The following RPS6KC1 variants were observed in gnomAD, a reference collection of about 807,000 sequenced individuals.
RPS6KC1 encodes the protein ribosomal protein S6 kinase C1, also known as inactive ribosomal protein S6 kinase delta-1.
In RPS6KC1, 54 loss-of-function variants were observed where a neutral mutation model predicts 103.8. That is an observed-to-expected ratio of 0.52 (90% CI 0.42 to 0.65). The LOEUF is 0.65. Among genes scored for constraint, RPS6KC1 ranks in the 30% least tolerant of loss-of-function variants. The pLI is 0.00. For synonymous variants in RPS6KC1, 439 were observed against 438.7 expected, an observed-to-expected ratio of 1.00 and a Z score of -0.01; for missense variants, 1,151 against 1,253.8, an observed-to-expected ratio of 0.92 and a Z score of 1.24.
the RPS6KC1 span, among the ~76,000 whole-genome samples, chr1:213,484,462 C>T: frequency 6.6e-6 from 1 of 152,214 alleles, no homozygotes; most frequent in Admixed American, 6.5e-5. Context: ...GTCACATGGA[C>T]CTGTCCACAG....
chr1:213,588,048 C>T, the RPS6KC1 span, among the ~76,000 whole-genome samples: 1 of 152,132 alleles, frequency 6.6e-6, no homozygotes, highest in African/African-American at 2.4e-5. Context: ...CCTTTGTCTT[C>T]ACGTGGTAGA....
chr1:213,278,482 T>C (rs1430621267), downstream of RPS6KC1, among the ~76,000 whole-genome samples: 1 of 152,232 alleles, frequency 6.6e-6, no homozygotes, highest in African/African-American at 2.4e-5. Context: ...AGGATTGTTA[T>C]AGGAAGAAAA....
the RPS6KC1 span, among the ~76,000 whole-genome samples, chr1:213,666,976 T>C: frequency 5.3e-5 from 8 of 152,232 alleles, no homozygotes; most frequent in Non-Finnish European, 1.2e-4. Context: ...CCAAGACGTA[T>C]GGAGGAGAAG....
intron 3 of RPS6KC1, among the ~76,000 whole-genome samples, chr1:213,083,434 T>C (rs966137231): frequency 1.3e-5 from 2 of 152,224 alleles, no homozygotes; most frequent in Non-Finnish European, 2.9e-5. Flanking sequence ...TGTACAGGAA[T>C]GTCTATAGCA....
chr1:213,337,319 A>G, the RPS6KC1 span, among the ~76,000 whole-genome samples: 1 of 152,248 alleles, frequency 6.6e-6, no homozygotes, highest in Non-Finnish European at 1.5e-5. Flanking sequence ...AAGTACAGCC[A>G]GAAGACCTGT....
the RPS6KC1 span, among the ~76,000 whole-genome samples, chr1:213,341,772 G>T: frequency 1.3e-4 from 20 of 152,150 alleles, no homozygotes; most frequent in African/African-American, 4.1e-4. Flanking sequence ...TAAGTAACTT[G>T]TCCCTCCCAG....
At chr1:213,333,871 G>A in the RPS6KC1 span, among the ~76,000 whole-genome samples, 1 of 152,124 alleles carries the variant, frequency 6.6e-6, no homozygotes, top group Admixed American at 6.5e-5. Context: ...TAGTAGAGAA[G>A]GGCTTTCACA....
At chr1:213,366,128 G>A in the RPS6KC1 span, among the ~76,000 whole-genome samples, 13 of 152,018 alleles carry the variant, frequency 8.6e-5, no homozygotes, top group South Asian at 2.1e-4. Context: ...TGTCCATCTC[G>A]CATTAAGAGG....
chr1:213,112,020 A>G (rs2083075663), intron 4 of RPS6KC1, among the ~76,000 whole-genome samples: 2 of 152,208 alleles, frequency 1.3e-5, no homozygotes, highest in Admixed American at 1.3e-4. Context: ...GGGAAGTAAA[A>G]TGTGGTAATT....
intron 12 of RPS6KC1, among the ~76,000 whole-genome samples, chr1:213,247,093 G>A (rs2094466026): frequency 6.6e-6 from 1 of 152,094 alleles, no homozygotes; most frequent in Admixed American, 6.6e-5. Flanking sequence ...TTAAATGCTT[G>A]AAATTTACAT....
chr1:213,577,655 C>T, the RPS6KC1 span, among the ~76,000 whole-genome samples: 19 of 152,178 alleles, frequency 1.2e-4, no homozygotes, highest in African/African-American at 4.6e-4. Context: ...GACATTTTGC[C>T]CCTGTTCTAG....
At chr1:213,512,038 G>A in the RPS6KC1 span, among the ~76,000 whole-genome samples, 22 of 152,316 alleles carry the variant, frequency 1.4e-4, no homozygotes, top group East Asian at 9.6e-4. Context: ...AGGCCTTGAC[G>A]AGATAGTGAT....
the RPS6KC1 span, among the ~76,000 whole-genome samples, chr1:213,375,751 C>T: frequency 6.6e-6 from 1 of 152,104 alleles, no homozygotes; most frequent in Admixed American, 6.5e-5. Flanking sequence ...GGCTCAGAAA[C>T]AGCAAGACAG....
At chr1:213,357,020 G>C in the RPS6KC1 span, among the ~76,000 whole-genome samples, 1 of 152,180 alleles carries the variant, frequency 6.6e-6, no homozygotes. Context: ...ACAGGGAGGG[G>C]CAGAAAGCAG....
the RPS6KC1 span, among the ~76,000 whole-genome samples, chr1:213,594,024 C>G: frequency 1.3e-5 from 2 of 152,074 alleles, no homozygotes; most frequent in Non-Finnish European, 2.9e-5. Flanking sequence ...CACCACCACT[C>G]CAGGCTAATT....
the RPS6KC1 span, among the ~76,000 whole-genome samples, chr1:213,813,378 C>A: frequency 1.3e-5 from 2 of 151,592 alleles, no homozygotes; most frequent in African/African-American, 2.4e-5. Flanking sequence ...TGGAGCCAGC[C>A]CAGCCTGTTC....
the RPS6KC1 span, among the ~76,000 whole-genome samples, chr1:213,363,584 T>G: frequency 6.6e-6 from 1 of 150,594 alleles, no homozygotes; most frequent in Non-Finnish European, 1.5e-5. Context: ...AATTTCTCTA[T>G]TCTTTAGCCC....
chr1:213,154,627 C>G (rs1392772624), intron 6 of RPS6KC1, among the ~76,000 whole-genome samples: 1 of 152,198 alleles, frequency 6.6e-6, no homozygotes, highest in Non-Finnish European at 1.5e-5. Flanking sequence ...GCTGCCTGGA[C>G]TGGGACTCAC....
the RPS6KC1 span, among the ~76,000 whole-genome samples, chr1:213,532,638 A>T: frequency 5.3e-5 from 8 of 152,228 alleles, no homozygotes; most frequent in African/African-American, 1.9e-4. Flanking sequence ...AGGCCAGGCT[A>T]ATCAAGGTTG....
Sources: gnomAD v4.1 joint callset for allele counts (sites outside exome capture counted in the v4.1 genomes callset) on GRCh38, gnomAD v4.1.1 for gene constraint, MANE v1.5 for transcripts, NCBI Gene and HGNC (gene_info 2026-07-23, HGNC 2026-07-21) for gene names.